Variants in GADL1 observed in about 807,000 individuals in gnomAD.
GADL1 encodes GAD like acidic amino acid decarboxylase 1, also known as acidic amino acid decarboxylase GADL1.
A neutral mutation model predicts 69.5 loss-of-function variants in GADL1; 71 were observed. The observed-to-expected ratio is 1.02, with a 90% CI of 0.84 to 1.25. The LOEUF is 1.25. Among genes scored for constraint, GADL1 ranks in the 50% most tolerant of loss-of-function variants. The probability of loss-of-function intolerance (pLI) is 0.00; values close to 1 mark genes in which losing one functional copy is unlikely to be tolerated. For synonymous variants in GADL1, 254 were observed against 214.4 expected (o/e 1.18, Z -1.62); for missense variants, 737 against 631.8 (o/e 1.17, Z -1.79).
chr3:30,758,969 T>C (rs1434935720), intron 14 of GADL1, among the ~76,000 whole-genome samples: 1 of 152,178 alleles, frequency 6.6e-6, no homozygotes, highest in Non-Finnish European at 1.5e-5. Flanking sequence ...CAAAACTCTC[T>C]TGCAGTTAGT....
chr3:30,838,644 G>T (rs985494492), intron 9 of GADL1, among the ~76,000 whole-genome samples: 3 of 152,068 alleles, frequency 2.0e-5, no homozygotes, highest in Non-Finnish European at 4.4e-5. Context: ...GGCTAAGATC[G>T]CAATGAAGAA....
chr3:30,838,943 A>T, intron 9 of GADL1, 54 bp downstream of exon 9: 2 of 1,088,552 alleles, frequency 1.8e-6, no homozygotes, highest in South Asian at 3.1e-5. Context: ...AATTTCTACC[A>T]AGGCTACAAA....
At chr3:30,759,793 CAT>C (rs1439237356) in intron 14 of GADL1, among the ~76,000 whole-genome samples, 1 of 152,206 alleles carries the variant, frequency 6.6e-6, no homozygotes, top group Non-Finnish European at 1.5e-5. Flanking sequence ...CTAACTGTAG[CAT>C]AGTCTCCAAT....
intron 12 of GADL1, among the ~76,000 whole-genome samples, chr3:30,795,256 T>G (rs1447087376): frequency 1.3e-5 from 2 of 152,212 alleles, no homozygotes; most frequent in South Asian, 2.1e-4. Flanking sequence ...GGAAATATCT[T>G]GACCCTGTCG....
At chr3:30,782,929 GTT>G (rs1696699699) in intron 13 of GADL1, among the ~76,000 whole-genome samples, 1 of 152,150 alleles carries the variant, frequency 6.6e-6, no homozygotes, top group Admixed American at 6.5e-5. Flanking sequence ...TAGTTATATA[GTT>G]TTATTAGATT....
At chr3:30,769,962 A>G (rs1260607512) in intron 14 of GADL1, among the ~76,000 whole-genome samples, 1 of 152,254 alleles carries the variant, frequency 6.6e-6, no homozygotes, top group Admixed American at 6.5e-5. Context: ...TTTCTAAATC[A>G]CTTACCAATA....
intron 8 of GADL1, among the ~76,000 whole-genome samples, chr3:30,842,712 T>C (rs1252332831): frequency 6.6e-6 from 1 of 151,434 alleles, no homozygotes; most frequent in Non-Finnish European, 1.5e-5. Context: ...TATCTGTGGT[T>C]CTCAGCAGAA....
At chr3:30,850,769 T>G (rs1006710800) in intron 5 of GADL1, 66 bp downstream of exon 5, 4 of 892,390 alleles carry the variant, frequency 4.5e-6, no homozygotes, top group African/African-American at 3.3e-5. Flanking sequence ...CAAGGAGTTG[T>G]TCCTCATGGA....
At chr3:30,732,823 C>G (rs966484960) in intron 14 of GADL1, among the ~76,000 whole-genome samples, 1 of 152,138 alleles carries the variant, frequency 6.6e-6, no homozygotes, top group African/African-American at 2.4e-5. Context: ...TTTGGGACGC[C>G]AAGGCGGGCA....
chr3:30,875,046 T>C (rs1430466821), intron 1 of GADL1, among the ~76,000 whole-genome samples: 1 of 151,856 alleles, frequency 6.6e-6, no homozygotes, highest in Admixed American at 6.6e-5. Context: ...GCTTTTATTA[T>C]CAAAGAGATA....
At chr3:30,794,312 G>A (rs1334080548) in intron 12 of GADL1, among the ~76,000 whole-genome samples, 1 of 147,004 alleles carries the variant, frequency 6.8e-6, no homozygotes, top group Non-Finnish European at 1.5e-5. Flanking sequence ...TTGTTGAAAA[G>A]ACTTAGACAT....
chr3:30,771,255 G>A (rs1049177004), intron 14 of GADL1, among the ~76,000 whole-genome samples: 1 of 152,188 alleles, frequency 6.6e-6, no homozygotes, highest in East Asian at 1.9e-4. Flanking sequence ...ATTATCAGAA[G>A]TACCTAAGTG....
intron 11 of GADL1, among the ~76,000 whole-genome samples, chr3:30,819,212 T>A (rs199767027): frequency 1.4e-5 from 1 of 71,186 alleles, no homozygotes; most frequent in Non-Finnish European, 2.1e-5. Flanking sequence ...TTTACACTTA[T>A]ACTTAAGAAT....
chr3:30,805,351 G>A (rs1697231277), intron 11 of GADL1, among the ~76,000 whole-genome samples: 1 of 152,166 alleles, frequency 6.6e-6, no homozygotes, highest in South Asian at 2.1e-4. Context: ...TTAAATACGT[G>A]TGAAAGAGGG....
intron 12 of GADL1, among the ~76,000 whole-genome samples, chr3:30,787,278 G>T (rs927560897): frequency 1.3e-5 from 2 of 152,142 alleles, no homozygotes; most frequent in Non-Finnish European, 2.9e-5. Flanking sequence ...TTTGAATGTT[G>T]GGGGAAAGAG....
chr3:30,851,883 C>A (rs1698152833), intron 4 of GADL1, among the ~76,000 whole-genome samples: 1 of 152,158 alleles, frequency 6.6e-6, no homozygotes, highest in South Asian at 2.1e-4. Flanking sequence ...TAAACACCAT[C>A]TAGAGCAGCA....
At chr3:30,784,953 C>T (rs1696755819) in intron 13 of GADL1, among the ~76,000 whole-genome samples, 1 of 152,176 alleles carries the variant, frequency 6.6e-6, no homozygotes, top group Non-Finnish European at 1.5e-5. Flanking sequence ...CAGCTTTAAG[C>T]CTTGCAGTTG....
chr3:30,833,693 G>A (rs1440993759), intron 11 of GADL1, among the ~76,000 whole-genome samples, 160 bp downstream of exon 11: 16 of 151,966 alleles, frequency 1.1e-4, no homozygotes, highest in Admixed American at 1.0e-3. Context: ...ATTTTATCTA[G>A]GCTTATTTGT....
chr3:30,767,919 A>G (rs1696322078), intron 14 of GADL1, among the ~76,000 whole-genome samples: 1 of 152,066 alleles, frequency 6.6e-6, no homozygotes, highest in Non-Finnish European at 1.5e-5. Context: ...TAAAATATGA[A>G]AAAAATGAAT....
Sources: gnomAD v4.1 joint callset for allele counts (sites outside exome capture counted in the v4.1 genomes callset) on GRCh38, gnomAD v4.1.1 for gene constraint, MANE v1.5 for transcripts, NCBI Gene and HGNC (gene_info 2026-07-23, HGNC 2026-07-21) for gene names.